DAAM1: variants seen among roughly 807,000 people sequenced by gnomAD.
DAAM1 encodes dishevelled associated activator of morphogenesis 1.
In DAAM1, 52 loss-of-function variants were observed where a neutral mutation model predicts 130.0. That is an observed-to-expected ratio of 0.40 (90% CI 0.32 to 0.50). DAAM1 has a LOEUF of 0.50. Ranked by LOEUF, DAAM1 falls within the 20% of genes least tolerant of loss-of-function variation. The pLI is 0.61. For synonymous variants in DAAM1, 452 were observed against 444.5 expected, an observed-to-expected ratio of 1.02 and a Z score of -0.21; for missense variants, 1,134 against 1,303.8, an observed-to-expected ratio of 0.87 and a Z score of 2.01.
At chr14:59,316,909 C>G (rs1884815279) in intron 4 of DAAM1, among the ~76,000 whole-genome samples, 1 of 152,164 alleles carries the variant, frequency 6.6e-6, no homozygotes, top group Admixed American at 6.5e-5. Flanking sequence ...TTCCTTTCTT[C>G]AAGTATAGGA....
intron 1 of DAAM1, among the ~76,000 whole-genome samples, chr14:59,225,036 T>G (rs186569587): frequency 0.065 from 9,288 of 142,428 alleles, 663 homozygotes; most frequent in Non-Finnish European, 0.093. Flanking sequence ...TTTTTTTTTT[T>G]TTTTTTTTTT....
At chr14:59,216,722 A>G (rs1443966100) in intron 1 of DAAM1, among the ~76,000 whole-genome samples, 1 of 152,138 alleles carries the variant, frequency 6.6e-6, no homozygotes, top group Non-Finnish European at 1.5e-5. Context: ...TCTGTCTCAA[A>G]AGAAAAAAAA....
At chr14:59,252,849 A>C (rs1008422693) in intron 1 of DAAM1, among the ~76,000 whole-genome samples, 7 of 152,192 alleles carry the variant, frequency 4.6e-5, no homozygotes, top group African/African-American at 1.7e-4. Context: ...CCTTTAGACT[A>C]TGCCTGTGAA....
At chr14:59,277,925 C>T (rs906621209) in intron 2 of DAAM1, among the ~76,000 whole-genome samples, 3 of 152,124 alleles carry the variant, frequency 2.0e-5, no homozygotes, top group African/African-American at 7.2e-5. Context: ...AAAACCCTCC[C>T]CTCCCCTGTG....
intron 1 of DAAM1, among the ~76,000 whole-genome samples, chr14:59,193,258 G>T (rs141321630): frequency 4.6e-5 from 7 of 152,190 alleles, no homozygotes; most frequent in Non-Finnish European, 7.3e-5. Context: ...TGTCTTTTAT[G>T]TAGATTATAT....
rs756142112 is a variant in DAAM1 at position 59,353,968 on chromosome 14, A to G, written c.2356+4A>G. 4 of 1,613,260 alleles carry G rather than the reference A, an allele frequency of 2.5e-6. No individual in the cohort carries two copies. The highest frequency in any genetic ancestry group is 3.3e-5 in the Admixed American group (2 of 59,984). ...GAAGTGAAACCTAAAGTGGAAGGTA[A>G]AGTCAAGCTGTCTAGATTGGAAATG... On this transcript the variant is annotated splice_donor_region_variant and intron_variant, in intron 19 of 24. Transcript: ENST00000360909.
chr14:59,334,691 G>C (rs1381860127), intron 15 of DAAM1, among the ~76,000 whole-genome samples: 1 of 152,192 alleles, frequency 6.6e-6, no homozygotes, highest in Non-Finnish European at 1.5e-5. Context: ...AAACATAAGT[G>C]TATATGCACA....
At chr14:59,227,514 C>A (rs1007235997) in intron 1 of DAAM1, among the ~76,000 whole-genome samples, 8 of 152,206 alleles carry the variant, frequency 5.3e-5, no homozygotes, top group African/African-American at 1.9e-4. Flanking sequence ...TTTGTTCCAA[C>A]ACCTAATATT....
At chr14:59,287,411 G>A (rs1368869699) in intron 2 of DAAM1, among the ~76,000 whole-genome samples, 2 of 152,156 alleles carry the variant, frequency 1.3e-5, no homozygotes, top group Admixed American at 6.5e-5. Context: ...TCTATGCAAC[G>A]TGGTATTGGA....
intron 2 of DAAM1, among the ~76,000 whole-genome samples, chr14:59,282,184 T>C (rs1322757963): frequency 6.6e-6 from 1 of 152,156 alleles, no homozygotes; most frequent in Non-Finnish European, 1.5e-5. Flanking sequence ...TGTTCCCTCA[T>C]AATGGAATTT....
chr14:59,291,120 G>C (rs895543947), intron 2 of DAAM1, 97 bp from the exon 3 acceptor site: 6 of 933,420 alleles, frequency 6.4e-6, no homozygotes, highest in African/African-American at 1.7e-5. Flanking sequence ...ATATGTGTTT[G>C]TGTTTTTGTT....
chr14:59,274,963 C>T (rs1882894255), intron 2 of DAAM1, among the ~76,000 whole-genome samples: 2 of 152,208 alleles, frequency 1.3e-5, no homozygotes, highest in African/African-American at 4.8e-5. Context: ...AAATAAATAG[C>T]TCCAATGTGG....
chr14:59,320,605 A>AT, intron 5 of DAAM1, 21 bp downstream of exon 5: 1 of 1,494,882 alleles, frequency 6.7e-7, no homozygotes, highest in Non-Finnish European at 8.9e-7. Flanking sequence ...CCTGGATGGC[A>AT]TGTTTTTTTT....
chr14:59,309,187 A>G (rs578140423), intron 3 of DAAM1, among the ~76,000 whole-genome samples: 2 of 152,180 alleles, frequency 1.3e-5, no homozygotes, highest in African/African-American at 4.8e-5. Flanking sequence ...TTTTGCCCCC[A>G]AAAAGGAAGA....
At chr14:59,274,519 T>G (rs754734505) in intron 2 of DAAM1, among the ~76,000 whole-genome samples, 5 of 152,214 alleles carry the variant, frequency 3.3e-5, no homozygotes, top group Non-Finnish European at 7.3e-5. Context: ...GTGTTATATC[T>G]GACTTTCTCA....
At chr14:59,252,093 A>AT (rs1225379360) in intron 1 of DAAM1, among the ~76,000 whole-genome samples, 2 of 152,060 alleles carry the variant, frequency 1.3e-5, no homozygotes, top group Non-Finnish European at 2.9e-5. Context: ...CTCTCTAAAC[A>AT]TTTTTTTACA....
chr14:59,324,551 G>C, intron 8 of DAAM1, 97 bp downstream of exon 8: 1 of 624,222 alleles, frequency 1.6e-6, no homozygotes, highest in African/African-American at 1.9e-5. Flanking sequence ...CTTGTGCCCT[G>C]TCTGTAACAT....
chr14:59,336,623 G>C (rs915357371), intron 15 of DAAM1, among the ~76,000 whole-genome samples: 14 of 152,124 alleles, frequency 9.2e-5, no homozygotes, highest in Admixed American at 2.6e-4. Flanking sequence ...ACTCTTGCTT[G>C]GCATTCTTCA....
chr14:59,336,928 C>T (rs1483678746), intron 15 of DAAM1, among the ~76,000 whole-genome samples: 2 of 152,114 alleles, frequency 1.3e-5, no homozygotes, highest in Non-Finnish European at 2.9e-5. Flanking sequence ...GTTAATTAAC[C>T]ACATTTTACA....
Sources: gnomAD v4.1 joint callset for allele counts (sites outside exome capture counted in the v4.1 genomes callset) on GRCh38, gnomAD v4.1.1 for gene constraint, MANE v1.5 for transcripts, NCBI Gene and HGNC (gene_info 2026-07-23, HGNC 2026-07-21) for gene names.